The following C1GALT1 variants were observed in gnomAD, a reference collection of about 807,000 sequenced individuals.
C1GALT1 encodes glycoprotein-N-acetylgalactosamine 3-beta-galactosyltransferase 1.
C1GALT1 carries 11 observed loss-of-function variants against 31.0 expected under a neutral mutation model. The observed-to-expected ratio is 0.36, with a 90% CI of 0.22 to 0.59. The LOEUF is 0.59. Ranked by LOEUF, C1GALT1 falls within the 20% of genes least tolerant of loss-of-function variation. C1GALT1 has a pLI of 0.79. For synonymous variants in C1GALT1, 175 were observed against 143.6 expected (o/e 1.22, Z -1.56); for missense variants, 424 against 425.2 (o/e 1.00, Z 0.03).
chr7:7,225,838 G>GATGAC (rs1354797386), intron 1 of C1GALT1, among the ~76,000 whole-genome samples: 1 of 152,162 alleles, frequency 6.6e-6, no homozygotes, highest in African/African-American at 2.4e-5. Context: ...TGGACCTACT[G>GATGAC]ATGACATAAC....
chr7:7,234,514 C>A lies in C1GALT1; in HGVS notation c.195C>A (p.Phe65Leu). The change falls in exon 2 of 4, where the codon TTC becomes TTA. Residue 65 changes from phenylalanine to leucine, a missense_variant. Around this residue, in one of 3 missense-constraint regions of C1GALT1, gnomAD observed 189 missense variants for 158.2 expected, o/e 1.19. Transcript: ENST00000436587. ...ATCATCTAGAAGGACAAATGAACTTCAATGCAGATTCTAGCCAACATAAAG... is the reference window on the plus strand; with the variant it reads ...ATCATCTAGAAGGACAAATGAACTTAAATGCAGATTCTAGCCAACATAAAG... ...GQNHLEGQMN[F>L]NADSSQHKDE... 5 of 1,611,850 alleles carry A rather than the reference C, an allele frequency of 3.1e-6. No homozygotes were observed. Among genetic ancestry groups the A allele is most frequent in the Middle Eastern group, 1.7e-4 (1 of 6,056 alleles).
At chr7:7,218,165 G>A (rs1015382497) in intron 1 of C1GALT1, among the ~76,000 whole-genome samples, 1 of 152,150 alleles carries the variant, frequency 6.6e-6, no homozygotes, top group Non-Finnish European at 1.5e-5. Flanking sequence ...CAGGTCTGTG[G>A]AGTAGACAAA....
chr7:7,179,207 T>C (rs552927198), upstream of C1GALT1, among the ~76,000 whole-genome samples: 31 of 152,322 alleles, frequency 2.0e-4, no homozygotes, highest in African/African-American at 7.5e-4. Flanking sequence ...ATAAAAAGTC[T>C]GGCATGTTTT....
intron 1 of C1GALT1, among the ~76,000 whole-genome samples, chr7:7,223,078 ATAAAT>A (rs1782586700): frequency 6.6e-6 from 1 of 152,222 alleles, no homozygotes; most frequent in Non-Finnish European, 1.5e-5. Flanking sequence ...TAACCATAAC[ATAAAT>A]TAATATCATT....
At chr7:7,174,860 A>T (rs898118444) in intron 2 of C1GALT1, among the ~76,000 whole-genome samples, 14 of 151,942 alleles carry the variant, frequency 9.2e-5, no homozygotes, top group Non-Finnish European at 1.8e-4. Context: ...GGCTTCCTTT[A>T]GTTCACTGTC....
At chr7:7,174,272 A>G (rs1780482750) in intron 2 of C1GALT1, among the ~76,000 whole-genome samples, 1 of 152,220 alleles carries the variant, frequency 6.6e-6, no homozygotes, top group South Asian at 2.1e-4. Context: ...GGGTACATAA[A>G]AGCGCATCTT....
intron 1 of C1GALT1, among the ~76,000 whole-genome samples, chr7:7,227,815 T>G (rs1412767367): frequency 6.6e-6 from 1 of 151,872 alleles, no homozygotes; most frequent in Non-Finnish European, 1.5e-5. Flanking sequence ...ACCTCAAGAC[T>G]CTTCAGAGGA....
chr7:7,183,732 C>T, intron 1 of C1GALT1: 1 of 372,904 alleles, frequency 2.7e-6, no homozygotes, highest in South Asian at 1.1e-4. Flanking sequence ...ACCCACACAT[C>T]CTGGAAAAAT....
At chr7:7,229,335 T>C (rs112902858) in intron 1 of C1GALT1, among the ~76,000 whole-genome samples, 4,892 of 152,260 alleles carry the variant, frequency 0.032, 273 homozygotes, top group African/African-American at 0.11. Context: ...TCAGAGGATG[T>C]AGAGAGTGAC....
chr7:7,199,288 G>A (rs931263454), intron 1 of C1GALT1, among the ~76,000 whole-genome samples: 10 of 152,146 alleles, frequency 6.6e-5, no homozygotes, highest in Admixed American at 3.9e-4. Context: ...CCTTCATTTT[G>A]TTATGTACCT....
At chr7:7,196,187 A>T (rs981395755) in intron 1 of C1GALT1, among the ~76,000 whole-genome samples, 2 of 150,876 alleles carry the variant, frequency 1.3e-5, no homozygotes, top group Non-Finnish European at 3.0e-5. Context: ...TACATTAGGT[A>T]TATCTCCTAA....
chr7:7,231,522 AT>A lies in C1GALT1; in HGVS notation c.-17-2779del, dbSNP rs1783072224. ...CAATCCATTTGTTTTTCCATACTTCATTCTGCGTATTTTCTTCTGACCTAGC... is the reference window on the plus strand; with the variant it reads ...CAATCCATTTGTTTTTCCATACTTCATCTGCGTATTTTCTTCTGACCTAGC... On this transcript the variant is annotated intron_variant, in intron 1 of 3. Coordinates refer to ENST00000436587, the MANE Select transcript of C1GALT1 (RefSeq NM_020156.5). Among the ~76,000 whole-genome samples the A allele has an allele frequency of 2.0e-5, 3 of 151,954 alleles. No homozygotes were observed. In the South Asian group the frequency reaches 6.2e-4, roughly 32 times the overall value.
At chr7:7,181,259 C>A (rs1780579812), upstream of C1GALT1, among the ~76,000 whole-genome samples, 2 of 151,210 alleles carry the variant, frequency 1.3e-5, no homozygotes, top group Non-Finnish European at 3.0e-5. Flanking sequence ...AAGGATATTG[C>A]GGAAAGGTGG....
intron 1 of C1GALT1, among the ~76,000 whole-genome samples, chr7:7,204,491 T>C (rs1383092446): frequency 1.3e-5 from 2 of 152,064 alleles, no homozygotes; most frequent in Non-Finnish European, 2.9e-5. Flanking sequence ...ATCAGTTTTG[T>C]TCCTTTTTGA....
chr7:7,201,169 C>A (rs2128235675), intron 1 of C1GALT1, among the ~76,000 whole-genome samples: 1 of 152,298 alleles, frequency 6.6e-6, no homozygotes, highest in East Asian at 1.9e-4. Flanking sequence ...TGGTGACGTA[C>A]AAAATGGGAT....
intron 2 of C1GALT1, among the ~76,000 whole-genome samples, chr7:7,158,447 C>G (rs1008147186): frequency 1.3e-5 from 2 of 152,072 alleles, no homozygotes; most frequent in East Asian, 1.9e-4. Context: ...TAGCACGTGG[C>G]CCGAGTCAGC....
rs1783840620 is a variant in C1GALT1 at position 7,246,295 on chromosome 7, T to C, written c.*2568T>C. On this transcript the variant is annotated 3_prime_UTR_variant, in exon 4 of 4. Transcript: ENST00000436587. ...TAGGATTTATATTCAAAACCCTGTG[T>C]GTTCATTGGAACCGTATCAGGCTTG... is the stretch of plus-strand genomic sequence containing the variant. 1 of 152,220 alleles carries C rather than the reference T, an allele frequency of 6.6e-6. No homozygotes were observed. The highest frequency in any genetic ancestry group is 1.9e-4 in the East Asian group (1 of 5,206). The allele number at this position is 152,220 out of a possible 1,614,324, so 9.4% of individuals were successfully genotyped here.
At chr7:7,174,590 A>G (rs961720874) in intron 2 of C1GALT1, among the ~76,000 whole-genome samples, 1 of 151,660 alleles carries the variant, frequency 6.6e-6, no homozygotes, top group Admixed American at 6.6e-5. Flanking sequence ...TAAAAAAGAA[A>G]AAAAAAAAGT....
intron 2 of C1GALT1, among the ~76,000 whole-genome samples, chr7:7,235,862 C>T (rs1249289737): frequency 6.6e-6 from 1 of 152,160 alleles, no homozygotes. Context: ...TTTGTCAGTA[C>T]ATTCTAACAG....
Sources: allele counts gnomAD v4.1 joint callset (sites outside exome capture counted in the v4.1 genomes callset), GRCh38; gene constraint gnomAD v4.1.1; regional missense constraint gnomAD v4.1.1; transcripts MANE v1.5; gene names NCBI Gene and HGNC (gene_info 2026-07-23, HGNC 2026-07-21).